Variants in ACSL1 observed in about 807,000 individuals in gnomAD.
ACSL1 encodes long-chain-fatty-acid--CoA ligase 1.
Under a neutral mutation model 98.4 loss-of-function variants are expected in ACSL1, and 41 were observed. The ratio of observed to expected loss-of-function variants is 0.42; its 90% CI spans 0.32 to 0.54. The LOEUF (loss-of-function observed/expected upper bound fraction) is 0.54. Among genes scored for constraint, ACSL1 ranks in the 20% least tolerant of loss-of-function variants. The pLI, the probability that ACSL1 is intolerant of heterozygous loss-of-function variation, is 0.13. For synonymous variants in ACSL1, 316 were observed against 322.7 expected, an observed-to-expected ratio of 0.98 and a Z score of 0.22; for missense variants, 734 against 883.1, an observed-to-expected ratio of 0.83 and a Z score of 2.14.
At chr4:184,786,179 A>G (rs1025799011) in intron 3 of ACSL1, among the ~76,000 whole-genome samples, 3 of 152,188 alleles carry the variant, frequency 2.0e-5, no homozygotes, top group Admixed American at 2.0e-4. Flanking sequence ...ATTGTTCCTA[A>G]ATGTCTGTAT....
chr4:184,779,336 C>A (rs1047033635), intron 5 of ACSL1, among the ~76,000 whole-genome samples: 1 of 152,168 alleles, frequency 6.6e-6, no homozygotes, highest in African/African-American at 2.4e-5. Context: ...TTTTCTCTTG[C>A]CGCCACCATG....
At chr4:184,798,306 C>T (rs146146237) in intron 2 of ACSL1, 61 of 152,332 alleles carry the variant, frequency 4.0e-4, no homozygotes, top group African/African-American at 1.3e-3. Flanking sequence ...TTTTTACTTG[C>T]TAAAATTTAT....
intron 4 of ACSL1, among the ~76,000 whole-genome samples, chr4:184,781,413 G>A (rs186337472): frequency 6.6e-6 from 1 of 151,762 alleles, no homozygotes; most frequent in East Asian, 1.9e-4. Flanking sequence ...TCAAACTTAG[G>A]ACAATATTAC....
chr4:184,774,726 A>G (rs1426007553), intron 7 of ACSL1, among the ~76,000 whole-genome samples: 1 of 152,196 alleles, frequency 6.6e-6, no homozygotes, highest in Non-Finnish European at 1.5e-5. Context: ...ACGCCATTGA[A>G]CATGTTCAAT....
rs76460389 is a variant in ACSL1, at chr4:184,771,352, A to G, written c.916-876T>C. Reference sequence around the variant, plus strand: ...AGGACCCATTTCAACATAAAATTGCATTTTATGTTGTTAAGGGAAAGGAGG... The same window carrying G: ...AGGACCCATTTCAACATAAAATTGCGTTTTATGTTGTTAAGGGAAAGGAGG... On this transcript the variant is annotated intron_variant, in intron 10 of 20. Coordinates refer to ENST00000281455, the MANE Select transcript of ACSL1 (RefSeq NM_001995.5). Among the ~76,000 whole-genome samples the G allele has an allele frequency of 8.8e-3, 1,340 of 152,278 alleles. 23 individuals carry two copies. Among genetic ancestry groups the G allele is most frequent in the African/African-American group, 0.031 (1,280 of 41,556 alleles).
chr4:184,815,562 A>G (rs1772556172), intron 1 of ACSL1, among the ~76,000 whole-genome samples: 1 of 152,140 alleles, frequency 6.6e-6, no homozygotes, highest in Admixed American at 6.6e-5. Context: ...CAGCTCGCAG[A>G]GGTCACAGCT....
chr4:184,777,581 A>T (rs1376798221), intron 5 of ACSL1, among the ~76,000 whole-genome samples: 1 of 152,032 alleles, frequency 6.6e-6, no homozygotes, highest in Non-Finnish European at 1.5e-5. Flanking sequence ...AGAAAAAAGG[A>T]AGGAAAGGAA....
Position 184,788,680 on chromosome 4 carries a change from C to T in ACSL1, c.247G>A (p.Val83Met). 1 of 1,614,130 alleles carries T rather than the reference C, an allele frequency of 6.2e-7. No individual in the cohort carries two copies. The highest frequency in any genetic ancestry group is 8.5e-7 in the Non-Finnish European group (1 of 1,180,020). ...SALLDSDEPL[V>M]YFYDDVTTLY... Reference sequence around the variant, plus strand: ...GTTGTGACATCATCATAGAAATACACCAAGGGCTCGTCGCTGTCAAGTAGT... The same window carrying T: ...GTTGTGACATCATCATAGAAATACATCAAGGGCTCGTCGCTGTCAAGTAGT... The change falls in exon 3 of 21, where the codon GTG becomes ATG. Residue 83 changes from valine to methionine, a missense_variant. Physicochemically the swap from Val to Met is conservative, Grantham distance 21 (BLOSUM62 1). Transcript: ENST00000281455.
At chr4:184,774,117 C>T (rs761892428) in intron 7 of ACSL1, among the ~76,000 whole-genome samples, 15 of 152,118 alleles carry the variant, frequency 9.9e-5, no homozygotes, top group African/African-American at 2.2e-4. Context: ...ACTACATAAA[C>T]GGTATTAGGA....
intron 17 of ACSL1, among the ~76,000 whole-genome samples, chr4:184,761,799 G>A (rs994838614): frequency 3.3e-5 from 5 of 152,102 alleles, no homozygotes; most frequent in Admixed American, 1.3e-4. Flanking sequence ...TTTGTATTCC[G>A]GTTGAGAAGC....
chr4:184,821,222 C>A, intron 1 of ACSL1: 1 of 417,738 alleles, frequency 2.4e-6, no homozygotes, highest in Admixed American at 2.7e-5. Context: ...TGCTTTGTGG[C>A]AGACACCTGG....
At chr4:184,783,375 CT>C (rs1433888748) in intron 4 of ACSL1, among the ~76,000 whole-genome samples, 2 of 152,152 alleles carry the variant, frequency 1.3e-5, no homozygotes, top group African/African-American at 4.8e-5. Flanking sequence ...CTACAGCTGC[CT>C]GGGGGTAAGT....
chr4:184,780,205 T>C lies in ACSL1; in HGVS notation c.477+127A>G. On this transcript the variant is annotated intron_variant, in intron 5 of 20. Transcript: ENST00000281455. ...TGAGGTTTTCATATGTGTAACTTTC[T>C]AAGGTGTAACGTAAAGCTATACTTT... The C allele has an allele frequency of 8.5e-6, 7 of 820,484 alleles. No individual in the cohort carries two copies. The South Asian group carries it at 9.7e-5, about 11-fold the overall frequency. 50.8% of individuals were successfully genotyped at this position (820,484 alleles called of 1,614,324 possible). A position where few individuals can be genotyped will look rare whatever the true frequency, so the allele number is the denominator to read the frequency against.
At chr4:184,821,929 T>C (rs1773095951) in intron 1 of ACSL1, among the ~76,000 whole-genome samples, 1 of 152,280 alleles carries the variant, frequency 6.6e-6, no homozygotes, top group African/African-American at 2.4e-5. Context: ...GTTAATAGTA[T>C]TTAATCTCTG....
Position 184,788,799 on chromosome 4 carries a change from T to C in ACSL1, c.196-68A>G. 3 of 1,189,370 alleles carry C rather than the reference T, an allele frequency of 2.5e-6. No homozygotes were observed. The Admixed American group carries it at 5.3e-5, about 21-fold the overall frequency. The allele number at this position is 1,189,370 out of a possible 1,614,324, so 73.7% of individuals were successfully genotyped here. On this transcript the variant is annotated intron_variant, in intron 2 of 20. Transcript: ENST00000281455. ...ATCTATGCACTGTGGAATGGCTAAA[T>C]CAAGCTAATTAACATATCCATTCCT... is the stretch of plus-strand genomic sequence containing the variant.
intron 3 of ACSL1, among the ~76,000 whole-genome samples, chr4:184,786,770 T>G (rs554015320): frequency 2.0e-5 from 3 of 148,954 alleles, no homozygotes; most frequent in Non-Finnish European, 4.4e-5. Context: ...CCTGGCTCAC[T>G]GCAACCTCCA....
At chr4:184,802,777 C>T (rs1770745496) in intron 2 of ACSL1, among the ~76,000 whole-genome samples, 1 of 152,190 alleles carries the variant, frequency 6.6e-6, no homozygotes, top group Non-Finnish European at 1.5e-5. Context: ...CCCAGCCAGA[C>T]GCGCCTCTTG....
intron 2 of ACSL1, chr4:184,798,333 T>A (rs1296717921): frequency 1.3e-5 from 2 of 152,246 alleles, no homozygotes; most frequent in Admixed American, 6.5e-5. Context: ...CTCCAATATC[T>A]AAAAACAAAC....
chr4:184,769,095 A>ATATATG (rs1332804813), intron 11 of ACSL1, among the ~76,000 whole-genome samples: 9 of 143,634 alleles, frequency 6.3e-5, no homozygotes, highest in African/African-American at 1.8e-4. Context: ...ATATATATAT[A>ATATATG]GCCTTCCAGA....
Sources: allele counts gnomAD v4.1 joint callset (sites outside exome capture counted in the v4.1 genomes callset), GRCh38; gene constraint gnomAD v4.1.1; transcripts MANE v1.5; gene names NCBI Gene and HGNC (gene_info 2026-07-23, HGNC 2026-07-21).